Variants in ANO3 observed in about 807,000 individuals in gnomAD.
ANO3 encodes anoctamin 3.
Under a neutral mutation model 144.8 loss-of-function variants are expected in ANO3, and 99 were observed. That is an observed-to-expected ratio of 0.68 (90% CI 0.58 to 0.81). The LOEUF is 0.81. Among genes scored for constraint, ANO3 ranks in the 30% least tolerant of loss-of-function variants. The probability of loss-of-function intolerance (pLI) is 0.00; values close to 1 mark genes in which losing one functional copy is unlikely to be tolerated. For synonymous variants in ANO3, 414 were observed against 392.6 expected (o/e 1.05, Z -0.64); for missense variants, 905 against 1,202.2 (o/e 0.75, Z 3.66).
At position 26,525,801 on chromosome 11, in the gene ANO3, G is replaced by A. The variant is rs430563; in HGVS notation, c.737+122G>A. 0.78 allele frequency: 534,437 copies of A among 681,744 alleles called. 210,285 individuals are homozygous for A. Among genetic ancestry groups the A allele is most frequent in the East Asian group, 0.86 (28,619 of 33,358 alleles). 42.2% of individuals were successfully genotyped at this position (681,744 alleles called of 1,614,324 possible). On this transcript the variant is annotated intron_variant, in intron 7 of 26. Transcript: ENST00000256737. Reference sequence around the variant, plus strand: ...GGAAGAAAAATTCTATTGATTTGTCGAAGATATTTCCAAAATAACTTATGC... The same window carrying A: ...GGAAGAAAAATTCTATTGATTTGTCAAAGATATTTCCAAAATAACTTATGC...
intron 1 of ANO3, among the ~76,000 whole-genome samples, chr11:26,404,530 T>G (rs1857227348): frequency 6.6e-6 from 1 of 151,786 alleles, no homozygotes; most frequent in Non-Finnish European, 1.5e-5. Flanking sequence ...AGATTAGAAT[T>G]AATGCATGCA....
chr11:26,503,297 T>C (rs913880372), intron 4 of ANO3, among the ~76,000 whole-genome samples: 1 of 152,184 alleles, frequency 6.6e-6, no homozygotes, highest in Middle Eastern at 3.2e-3. Context: ...AAATGAATCA[T>C]GATTTTATGT....
chr11:26,647,190 C>T (rs577424508), intron 23 of ANO3, among the ~76,000 whole-genome samples: 63 of 152,132 alleles, frequency 4.1e-4, no homozygotes, highest in Non-Finnish European at 8.2e-4. Context: ...TTTCATGATG[C>T]CAGATTGACC....
chr11:26,493,252 T>C (rs1159042667), intron 4 of ANO3, among the ~76,000 whole-genome samples: 1 of 152,196 alleles, frequency 6.6e-6, no homozygotes, highest in African/African-American at 2.4e-5. Flanking sequence ...AGTTTACTTT[T>C]TAAGTGAATA....
At chr11:26,338,858 AC>A (rs920800019) in intron 1 of ANO3, among the ~76,000 whole-genome samples, 3 of 151,922 alleles carry the variant, frequency 2.0e-5, no homozygotes, top group Non-Finnish European at 4.4e-5. Context: ...CTCCCGACAC[AC>A]CATCTTTAAG....
At chr11:26,316,415 T>C (rs1854627373) in intron 1 of ANO3, among the ~76,000 whole-genome samples, 1 of 152,154 alleles carries the variant, frequency 6.6e-6, no homozygotes, top group Non-Finnish European at 1.5e-5. Context: ...AAGTACAGTA[T>C]ACAGAGATAA....
chr11:26,240,142 T>C (rs1457076231), intron 1 of ANO3, among the ~76,000 whole-genome samples: 1 of 152,222 alleles, frequency 6.6e-6, no homozygotes, highest in African/African-American at 2.4e-5. Flanking sequence ...ATTCACCTCA[T>C]GCAGTCATTG....
At chr11:26,284,784 T>C (rs1040343940) in intron 1 of ANO3, among the ~76,000 whole-genome samples, 5 of 151,636 alleles carry the variant, frequency 3.3e-5, no homozygotes, top group African/African-American at 4.8e-5. Flanking sequence ...CGGGCGCCTG[T>C]AGTCCCAGCT....
intron 1 of ANO3, among the ~76,000 whole-genome samples, chr11:26,404,387 T>C (rs1442534400): frequency 2.0e-5 from 3 of 151,860 alleles, no homozygotes. Context: ...CAAAGTCTAA[T>C]CACTTTGGAA....
intron 1 of ANO3, among the ~76,000 whole-genome samples, chr11:26,310,274 T>A (rs1217418231): frequency 6.6e-6 from 1 of 152,106 alleles, no homozygotes; most frequent in African/African-American, 2.4e-5. Context: ...GTCAACTTCT[T>A]TTTGAGGCCC....
In ANO3 at chr11:26,662,108, C is replaced by T. The variant is rs1853894507; in HGVS notation, c.*1664C>T. The T allele has an allele frequency of 1.3e-5, 2 of 152,132 alleles. No homozygotes were observed. The highest frequency in any genetic ancestry group is 4.8e-5 in the African/African-American group (2 of 41,530). 9.4% of individuals were successfully genotyped at this position (152,132 alleles called of 1,614,324 possible). On this transcript the variant is annotated 3_prime_UTR_variant, in exon 27 of 27. Transcript: ENST00000256737. ...GAAAACTATTTTCTAAATATTAACACTGAAAATGTTTTGTTAGCTTTTCCT... is the reference window on the plus strand; with the variant it reads ...GAAAACTATTTTCTAAATATTAACATTGAAAATGTTTTGTTAGCTTTTCCT...
At chr11:26,458,518 CAA>C (rs1859252627) in intron 3 of ANO3, among the ~76,000 whole-genome samples, 1 of 152,018 alleles carries the variant, frequency 6.6e-6, no homozygotes, top group South Asian at 2.1e-4. Flanking sequence ...TATTGTTTTA[CAA>C]AGTTACATTC....
At chr11:26,550,254 A>G (rs1352921495) in intron 12 of ANO3, among the ~76,000 whole-genome samples, 2 of 151,882 alleles carry the variant, frequency 1.3e-5, no homozygotes, top group East Asian at 3.9e-4. Flanking sequence ...TTATCAATTG[A>G]TTATTAATAA....
At chr11:26,436,467 C>T (rs1171347627) in intron 1 of ANO3, among the ~76,000 whole-genome samples, 1 of 152,144 alleles carries the variant, frequency 6.6e-6, no homozygotes, top group East Asian at 1.9e-4. Context: ...CTCCAATTTT[C>T]CAGTACCTGA....
chr11:26,250,009 G>A (rs916714076), intron 1 of ANO3, among the ~76,000 whole-genome samples: 2 of 152,130 alleles, frequency 1.3e-5, no homozygotes, highest in African/African-American at 4.8e-5. Context: ...TATTTCTAAT[G>A]GGAAGTGGCC....
intron 1 of ANO3, among the ~76,000 whole-genome samples, chr11:26,344,732 G>A (rs4923350): frequency 0.6 from 91,156 of 151,886 alleles, 27,610 homozygotes; most frequent in East Asian, 0.73. Context: ...ATTTTGAATG[G>A]TGCTTCTCTA....
chr11:26,494,940 G>A (rs190440883), intron 4 of ANO3, among the ~76,000 whole-genome samples: 1 of 152,048 alleles, frequency 6.6e-6, no homozygotes, highest in Admixed American at 6.6e-5. Context: ...ATTTTTTCTT[G>A]ACCTGTCCTT....
chr11:26,615,195 C>A (rs200333216), intron 17 of ANO3, among the ~76,000 whole-genome samples: 1 of 141,728 alleles, frequency 7.1e-6, no homozygotes, highest in African/African-American at 2.6e-5. Flanking sequence ...TTTTTTTTTA[C>A]TTTATGAGCT....
At chr11:26,451,427 G>C (rs932066191) in intron 3 of ANO3, among the ~76,000 whole-genome samples, 2 of 152,236 alleles carry the variant, frequency 1.3e-5, no homozygotes, top group Non-Finnish European at 2.9e-5. Context: ...CACACCAGGA[G>C]ATTAAATCCT....
Sources: gnomAD v4.1 joint callset for allele counts (sites outside exome capture counted in the v4.1 genomes callset) on GRCh38, gnomAD v4.1.1 for gene constraint, MANE v1.5 for transcripts, NCBI Gene and HGNC (gene_info 2026-07-23, HGNC 2026-07-21) for gene names.